CEP350: variants seen among roughly 807,000 people sequenced by gnomAD.
CEP350 encodes the protein centrosome-associated protein 350.
Under a neutral mutation model 331.8 loss-of-function variants are expected in CEP350, and 126 were observed. The ratio of observed to expected loss-of-function variants is 0.38; its 90% CI spans 0.33 to 0.44. The LOEUF (loss-of-function observed/expected upper bound fraction) is 0.44. Among genes scored for constraint, CEP350 ranks in the 20% least tolerant of loss-of-function variants. CEP350 has a pLI of 1.00. For missense variants in CEP350, 3,406 were observed against 3,634.6 expected, an observed-to-expected ratio of 0.94 and a Z score of 1.62; for synonymous variants, 1,200 against 1,259.5, an observed-to-expected ratio of 0.95 and a Z score of 1.00.
intron 1 of CEP350, among the ~76,000 whole-genome samples, chr1:179,957,755 A>C (rs992792226): frequency 1.3e-5 from 2 of 152,216 alleles, no homozygotes; most frequent in African/African-American, 4.8e-5. Flanking sequence ...GCCACTGGGA[A>C]TAAGCCACAG....
At position 180,112,882 on chromosome 1, in the gene CEP350, T is replaced by C. The variant is rs1661527217; in HGVS notation, c.*1721T>C. Reference sequence around the variant, plus strand: ...TTTAAGAAATGTACTGAAATAATCATTGGAATATTTGCATTTTGCACAATG... The same window carrying C: ...TTTAAGAAATGTACTGAAATAATCACTGGAATATTTGCATTTTGCACAATG... On this transcript the variant is annotated 3_prime_UTR_variant, in exon 38 of 38. Coordinates refer to ENST00000367607, the MANE Select transcript of CEP350 (RefSeq NM_014810.5). 1 of 152,640 alleles carries C rather than the reference T, an allele frequency of 6.6e-6. No individual in the cohort carries two copies. Among genetic ancestry groups the C allele is most frequent in the East Asian group, 1.9e-4 (1 of 5,198 alleles). 9.5% of individuals were successfully genotyped at this position (152,640 alleles called of 1,614,324 possible).
intron 3 of CEP350, among the ~76,000 whole-genome samples, chr1:179,988,340 C>G (rs1265488826): frequency 6.6e-6 from 1 of 151,508 alleles, no homozygotes; most frequent in Non-Finnish European, 1.5e-5. Context: ...GAAGGTAGGG[C>G]TTTGTCTATG....
chr1:180,100,489 T>A (rs1437739523), intron 37 of CEP350, among the ~76,000 whole-genome samples: 1 of 152,240 alleles, frequency 6.6e-6, no homozygotes, highest in African/African-American at 2.4e-5. Context: ...TGATATCCCC[T>A]ATAAATCACC....
intron 16 of CEP350, among the ~76,000 whole-genome samples, chr1:180,035,887 A>G (rs1656317509): frequency 6.6e-6 from 1 of 152,228 alleles, no homozygotes; most frequent in Non-Finnish European, 1.5e-5. Context: ...TGCATTGTGT[A>G]AGGCTATAGC....
chr1:179,981,769 G>C (rs1652286175), intron 1 of CEP350, among the ~76,000 whole-genome samples: 1 of 152,084 alleles, frequency 6.6e-6, no homozygotes. Context: ...AGGCTGAGGT[G>C]GGAGGATCAC....
At chr1:179,999,729 A>G (rs1351740176) in intron 6 of CEP350, among the ~76,000 whole-genome samples, 1 of 152,144 alleles carries the variant, frequency 6.6e-6, no homozygotes, top group Non-Finnish European at 1.5e-5. Context: ...TTTTGCAAAC[A>G]TAAGCAAATA....
At chr1:180,055,827 G>A (rs1403689601) in intron 25 of CEP350, among the ~76,000 whole-genome samples, 1 of 152,052 alleles carries the variant, frequency 6.6e-6, no homozygotes, top group Admixed American at 6.5e-5. Flanking sequence ...TTACAGGCAT[G>A]AGCCACCTTA....
intron 27 of CEP350, among the ~76,000 whole-genome samples, chr1:180,071,714 G>A (rs140195214): frequency 6.6e-6 from 1 of 152,146 alleles, no homozygotes; most frequent in East Asian, 1.9e-4. Flanking sequence ...CCTGGGAGGT[G>A]GAGGTTGAAG....
intron 5 of CEP350, among the ~76,000 whole-genome samples, chr1:179,994,940 G>A (rs536899424): frequency 3.3e-5 from 5 of 152,216 alleles, no homozygotes; most frequent in African/African-American, 1.2e-4. Context: ...GTAGTACTTA[G>A]GGTTTTATGC....
intron 14 of CEP350, among the ~76,000 whole-genome samples, chr1:180,026,249 C>G: frequency 6.7e-6 from 1 of 149,726 alleles, no homozygotes; most frequent in Non-Finnish European, 1.5e-5. Flanking sequence ...CCAGCCTGGG[C>G]GACAGAGTGA....
At chr1:179,955,196 G>A in intron 1 of CEP350, 54 bp downstream of exon 1, 1 of 1,268,206 alleles carries the variant, frequency 7.9e-7, no homozygotes, top group Non-Finnish European at 1.0e-6. Context: ...AGCCTCAACT[G>A]TCTCTGTCCG....
intron 15 of CEP350, among the ~76,000 whole-genome samples, chr1:180,033,339 G>A (rs1656141628): frequency 6.6e-6 from 1 of 152,018 alleles, no homozygotes; most frequent in Non-Finnish European, 1.5e-5. Context: ...AAGAAATGAA[G>A]TATATTAAGT....
chr1:180,052,285 C>A, intron 22 of CEP350: 1 of 449,860 alleles, frequency 2.2e-6, no homozygotes, highest in Non-Finnish European at 4.5e-6. Context: ...GGGATCCTCC[C>A]ACCTTGGCAT....
At chr1:180,070,489 A>G (rs1232461813) in intron 27 of CEP350, among the ~76,000 whole-genome samples, 1 of 152,172 alleles carries the variant, frequency 6.6e-6, no homozygotes, top group African/African-American at 2.4e-5. Flanking sequence ...AAGAGTCATA[A>G]AATGTTAAAA....
Position 180,062,258 on chromosome 1 carries a change from T to C in CEP350, c.5301T>C (p.Ala1767=), listed in dbSNP as rs1333520323. 6.2e-7 allele frequency: 1 copy of C among 1,610,318 alleles called. No homozygotes were observed. The highest frequency in any genetic ancestry group is 8.5e-7 in the Non-Finnish European group (1 of 1,178,092). Reference sequence around the variant, plus strand: ...GTCTTCAAGAAGCCAATAAGGCAGCTCGGAAGGAAAGACAGCTGATTCTTA... The same window carrying C: ...GTCTTCAAGAAGCCAATAAGGCAGCCCGGAAGGAAAGACAGCTGATTCTTA... ...IKRLQEANKA[A]RKERQLILKQ... The change falls in exon 26 of 38, where the codon GCT becomes GCC. Residue 1767 remains alanine (A), a synonymous_variant. Transcript: ENST00000367607.
rs1302648822 is a variant in CEP350 at position 180,003,170 on chromosome 1, T to C, written c.1019-4T>C. The C allele has an allele frequency of 6.3e-7, 1 of 1,592,082 alleles. No individual in the cohort carries two copies. The highest frequency in any genetic ancestry group is 1.3e-5 in the African/African-American group (1 of 74,402). ...GAATATTCTGTGTTACTGGTATGTA[T>C]TAGGTTTCAACCCTTCAGAGACCAA... On this transcript the variant is annotated splice_polypyrimidine_tract_variant and splice_region_variant and intron_variant, in intron 6 of 37. Coordinates refer to ENST00000367607, the MANE Select transcript of CEP350 (RefSeq NM_014810.5).
intron 1 of CEP350, among the ~76,000 whole-genome samples, chr1:179,965,855 A>G (rs1650976691): frequency 6.6e-6 from 1 of 151,676 alleles, no homozygotes. Context: ...TGAACTCCTG[A>G]CCTCAGGTGA....
chr1:180,052,905 T>G (rs1280850479), intron 22 of CEP350, 65 bp from the exon 23 acceptor site: 2 of 610,698 alleles, frequency 3.3e-6, no homozygotes, highest in East Asian at 5.6e-5. Context: ...GGCAAAGGGC[T>G]ATTAATTGAA....
chr1:179,991,707 G>GTGTGTGTATATATA (rs1385981536), intron 4 of CEP350, among the ~76,000 whole-genome samples: 35 of 96,962 alleles, frequency 3.6e-4, no homozygotes, highest in Middle Eastern at 9.4e-3. Flanking sequence ...GTGTGTGTGT[G>GTGTGTGTATATATA]TATATATATA....
Sources: gnomAD v4.1 joint callset for allele counts (sites outside exome capture counted in the v4.1 genomes callset) on GRCh38, gnomAD v4.1.1 for gene constraint, MANE v1.5 for transcripts, NCBI Gene and HGNC (gene_info 2026-07-23, HGNC 2026-07-21) for gene names.